Variants in NRG1 observed in about 807,000 individuals in gnomAD.
The protein encoded by NRG1 is neuregulin 1, also known as pro-neuregulin-1, membrane-bound isoform.
A neutral mutation model predicts 63.8 loss-of-function variants in NRG1; 18 were observed. The ratio of observed to expected loss-of-function variants is 0.28; its 90% confidence interval spans 0.19 to 0.42. The LOEUF is 0.42. Among genes scored for constraint, NRG1 ranks in the 10% least tolerant of loss-of-function variants. The probability of loss-of-function intolerance (pLI) is 1.00; values close to 1 mark genes in which losing one functional copy is unlikely to be tolerated. For synonymous variants in NRG1, 302 were observed against 301.3 expected (o/e 1.00, Z -0.02); for missense variants, 762 against 814.7 (o/e 0.94, Z 0.79).
chr8:32,665,392 GTTTA>G (rs1360953355), intron 5 of NRG1, among the ~76,000 whole-genome samples: 3 of 152,218 alleles, frequency 2.0e-5, no homozygotes, highest in Admixed American at 6.5e-5. Context: ...ATTTTTTCCT[GTTTA>G]TTCATGGAGT....
intron 1 of NRG1, among the ~76,000 whole-genome samples, chr8:32,095,874 A>C (rs1829840520): frequency 6.6e-6 from 1 of 152,214 alleles, no homozygotes; most frequent in African/African-American, 2.4e-5. Flanking sequence ...GAAATAAAAG[A>C]TATAGAAGCC....
intron 1 of NRG1, among the ~76,000 whole-genome samples, chr8:32,504,473 T>A (rs1203955088): frequency 6.6e-6 from 1 of 152,242 alleles, no homozygotes; most frequent in Non-Finnish European, 1.5e-5. Context: ...AGCGTTTTTT[T>A]AAGCCAACTT....
intron 1 of NRG1, chr8:32,029,238 A>G (rs1817911068): frequency 6.6e-6 from 1 of 152,146 alleles, no homozygotes; most frequent in African/African-American, 2.4e-5. Flanking sequence ...GTTATGCACA[A>G]TTTTGTGGTT....
chr8:31,639,346 G>A (rs1702206329), exon 1 of NRG1: 1 of 1,533,068 alleles, frequency 6.5e-7, no homozygotes, highest in Non-Finnish European at 8.7e-7. Context: ...CGGGGACGGG[G>A]ACGCCCAGGA....
chr8:31,933,683 T>C (rs1835050665), intron 1 of NRG1, among the ~76,000 whole-genome samples: 3 of 152,184 alleles, frequency 2.0e-5, no homozygotes, highest in Admixed American at 2.0e-4. Context: ...CAGAACAAAA[T>C]CATCTGATTC....
At chr8:32,009,519 T>C (rs1490973006) in intron 1 of NRG1, among the ~76,000 whole-genome samples, 3 of 151,756 alleles carry the variant, frequency 2.0e-5, no homozygotes, top group Admixed American at 6.6e-5. Context: ...GTATATAATA[T>C]AAGGTAATAT....
intron 1 of NRG1, among the ~76,000 whole-genome samples, chr8:31,787,345 G>A (rs112038819): frequency 6.6e-6 from 1 of 152,130 alleles, no homozygotes; most frequent in Non-Finnish European, 1.5e-5. Flanking sequence ...ATTTTCTGTT[G>A]CAGTGATAGC....
At chr8:32,760,280 A>G (rs754667191) in exon 11 of NRG1, 5 of 1,614,128 alleles carry the variant, frequency 3.1e-6, no homozygotes, top group Non-Finnish European at 4.2e-6. Context: ...AACAGTAGGC[A>G]CAGCAGCCCA....
intron 1 of NRG1, among the ~76,000 whole-genome samples, chr8:32,565,069 C>CAA (rs148891652): frequency 6.6e-6 from 1 of 151,214 alleles, no homozygotes; most frequent in Non-Finnish European, 1.5e-5. Context: ...GACCCAGTCT[C>CAA]AAAAAAAAAT....
intron 1 of NRG1, among the ~76,000 whole-genome samples, chr8:32,279,182 GA>G (rs1221364579): frequency 6.6e-6 from 1 of 152,086 alleles, no homozygotes; most frequent in Non-Finnish European, 1.5e-5. Context: ...AAACATTCTT[GA>G]AAAAACCCTG....
intron 1 of NRG1, among the ~76,000 whole-genome samples, chr8:31,919,335 C>T (rs967091969): frequency 6.6e-6 from 1 of 150,658 alleles, no homozygotes. Context: ...TATTTCATTC[C>T]ACTTACGCTT....
intron 1 of NRG1, among the ~76,000 whole-genome samples, chr8:32,337,036 G>A (rs1803358219): frequency 6.6e-6 from 1 of 151,844 alleles, no homozygotes; most frequent in Non-Finnish European, 1.5e-5. Flanking sequence ...TTGAAACAGG[G>A]GCTCACCCTG....
intron 1 of NRG1, among the ~76,000 whole-genome samples, chr8:31,898,016 T>TC (rs1260231781): frequency 2.2e-4 from 7 of 32,024 alleles, no homozygotes; most frequent in Non-Finnish European, 5.4e-4. Context: ...AAATTCTATC[T>TC]CAAAAAAAAA....
At chr8:31,684,843 A>G (rs1017281862) in intron 1 of NRG1, among the ~76,000 whole-genome samples, 2 of 152,094 alleles carry the variant, frequency 1.3e-5, no homozygotes, top group African/African-American at 4.8e-5. Flanking sequence ...TTTTTGCCTC[A>G]TATATGGCTA....
At chr8:32,437,782 T>TAA (rs1818976003) in intron 1 of NRG1, among the ~76,000 whole-genome samples, 1 of 152,176 alleles carries the variant, frequency 6.6e-6, no homozygotes, top group African/African-American at 2.4e-5. Flanking sequence ...GTAGGACATA[T>TAA]CTGATGGAAA....
intron 1 of NRG1, among the ~76,000 whole-genome samples, chr8:31,946,591 G>C (rs1301220559): frequency 8.5e-6 from 1 of 118,060 alleles, no homozygotes; most frequent in Non-Finnish European, 1.8e-5. Context: ...TTGGCACTGT[G>C]ATAAGATGTG....
chr8:31,871,861 G>A (rs1344844365), intron 1 of NRG1, among the ~76,000 whole-genome samples: 3 of 152,156 alleles, frequency 2.0e-5, no homozygotes, highest in African/African-American at 7.2e-5. Context: ...TGCTTTTACT[G>A]TGACAACTTT....
At chr8:31,667,009 G>A (rs1806614980) in intron 1 of NRG1, among the ~76,000 whole-genome samples, 2 of 152,178 alleles carry the variant, frequency 1.3e-5, no homozygotes, top group African/African-American at 4.8e-5. Flanking sequence ...TAAGGAAACT[G>A]AGCCTTAGCA....
At chr8:32,751,615 G>T (rs894523183) in intron 7 of NRG1, among the ~76,000 whole-genome samples, 2 of 152,126 alleles carry the variant, frequency 1.3e-5, no homozygotes, top group African/African-American at 4.8e-5. Context: ...TGAGGATAAG[G>T]GTTGTAGTGC....
Sources: allele counts gnomAD v4.1 joint callset (sites outside exome capture counted in the v4.1 genomes callset), GRCh38; gene constraint gnomAD v4.1.1; transcripts MANE v1.5; gene names NCBI Gene and HGNC (gene_info 2026-07-23, HGNC 2026-07-21).